Variants in LARS1 observed in about 807,000 individuals in gnomAD.
LARS1 encodes the protein leucyl-tRNA synthetase 1, also known as leucine--tRNA ligase, cytoplasmic.
Under a neutral mutation model 162.8 loss-of-function variants are expected in LARS1, and 100 were observed. The observed-to-expected ratio is 0.61, with a 90% confidence interval of 0.52 to 0.73. LARS1 has a LOEUF of 0.73. Among genes scored for constraint, LARS1 ranks in the 30% least tolerant of loss-of-function variants. The probability of loss-of-function intolerance (pLI) is 0.00; values close to 1 mark genes in which losing one functional copy is unlikely to be tolerated. For missense variants in LARS1, 1,258 were observed against 1,408.9 expected (o/e 0.89, Z 1.71); for synonymous variants, 457 against 462.8 (o/e 0.99, Z 0.16).
Position 146,127,863 on chromosome 5 carries a change from A to G in LARS1, c.2880+809T>C, listed in dbSNP as rs577985590. Among the ~76,000 whole-genome samples the G allele has an allele frequency of 2.0e-5, 3 of 152,240 alleles. No homozygotes were observed. In the East Asian group the frequency reaches 5.8e-4, roughly 29 times the overall value. ...TTTTCTTAGCATTTCTTAATTAACT[A>G]TGAAAAGTGTTGAGGCAAAATTCCA... On this transcript the variant is annotated intron_variant, in intron 27 of 31. Transcript: ENST00000394434.
rs996348758 is a variant in LARS1 at position 146,144,290 on chromosome 5, G to A, written c.1715C>T (p.Ala572Val). ...EATLGWLQEH[A>V]CSRTYGLGTH... ...ACCTAGACCATAAGTTCTTGAGCAA[G>A]CATGTTCTTGTAGCCAACCTAAGGT... Residue 572 changes from alanine to valine, a missense_variant, in exon 18 of 32, where the codon GCT becomes GTT. Ala to Val is a moderately conservative substitution (Grantham distance 64, BLOSUM62 0). Coordinates refer to ENST00000394434, the MANE Select transcript of LARS1 (RefSeq NM_020117.11). 13 of 1,612,432 alleles carry A rather than the reference G, an allele frequency of 8.1e-6. No individual in the cohort carries two copies. Among genetic ancestry groups the A allele is most frequent in the African/African-American group, 1.3e-5 (1 of 74,790 alleles).
chr5:146,178,598 G>A (rs767333833), intron 1 of LARS1, among the ~76,000 whole-genome samples: 5 of 149,054 alleles, frequency 3.4e-5, no homozygotes, highest in Non-Finnish European at 7.4e-5. Flanking sequence ...TGGGCAACAA[G>A]AGCGAAACTC....
In LARS1 at chr5:146,140,210, A is replaced by G; in HGVS notation, c.2142T>C (p.Ser714=). Residue 714 remains serine (S), a synonymous_variant, in exon 21 of 32, where the codon TCT becomes TCC. Coordinates refer to ENST00000394434, the MANE Select transcript of LARS1 (RefSeq NM_020117.11). Reference sequence around the variant, plus strand: ...AAGATGCAATAAGCCTTACCTTCTCAGAGTTCAGGAGGAGATGTCCATTTG... The same window carrying G: ...AAGATGCAATAAGCCTTACCTTCTCGGAGTTCAGGAGGAGATGTCCATTTG... ...VRANGHLLLN[S]EKMSKSTGNF... 1 of 1,611,114 alleles carries G rather than the reference A, an allele frequency of 6.2e-7. No individual in the cohort carries two copies. Among genetic ancestry groups the G allele is most frequent in the Non-Finnish European group, 8.5e-7 (1 of 1,177,190 alleles).
rs138303507 is a variant in LARS1, at chr5:146,173,332, G to A, written c.126-558C>T. Among the ~76,000 whole-genome samples, 858 of 150,104 alleles carry A rather than the reference G, an allele frequency of 5.7e-3. 14 individuals are homozygous for A. Among genetic ancestry groups the A allele is most frequent in the African/African-American group, 0.02 (818 of 40,870 alleles). Reference sequence around the variant, plus strand: ...CATGCCACTGCACTCCAGCCTGGGCGAAAATGAGACTCCATCTCAAAAAAA... The same window carrying A: ...CATGCCACTGCACTCCAGCCTGGGCAAAAATGAGACTCCATCTCAAAAAAA... On this transcript the variant is annotated intron_variant, in intron 2 of 31. Coordinates refer to ENST00000394434, the MANE Select transcript of LARS1 (RefSeq NM_020117.11).
intron 15 of LARS1, among the ~76,000 whole-genome samples, chr5:146,147,490 T>TA (rs1387773743): frequency 6.6e-6 from 1 of 152,136 alleles, no homozygotes; most frequent in East Asian, 1.9e-4. Flanking sequence ...TGATAGGTAT[T>TA]ACAGGAATTT....
chr5:146,128,091 C>G (rs35825928), intron 27 of LARS1, among the ~76,000 whole-genome samples: 33,845 of 151,998 alleles, frequency 0.22, 4,826 homozygotes, highest in Admixed American at 0.34. Context: ...AGGAAAAATA[C>G]ATTTTTTTCT....
At chr5:146,128,318 A>G (rs551429433) in intron 27 of LARS1, among the ~76,000 whole-genome samples, 1 of 152,300 alleles carries the variant, frequency 6.6e-6, no homozygotes, top group Admixed American at 6.5e-5. Context: ...GAATGAATAA[A>G]TTTAATGAAT....
chr5:146,156,217 G>A (rs188932183), intron 10 of LARS1, among the ~76,000 whole-genome samples: 73 of 152,216 alleles, frequency 4.8e-4, no homozygotes, highest in African/African-American at 1.7e-3. Context: ...ATCTTTTTGC[G>A]TTTTTTGAAT....
intron 21 of LARS1, 92 bp from the exon 22 acceptor site, chr5:146,135,756 G>T: frequency 1.2e-6 from 1 of 816,460 alleles, no homozygotes; most frequent in Non-Finnish European, 1.9e-6. Context: ...GCCATGACCA[G>T]ATAAAAACAA....
intron 6 of LARS1, among the ~76,000 whole-genome samples, chr5:146,163,861 A>C (rs1313146966): frequency 2.6e-5 from 4 of 152,156 alleles, no homozygotes; most frequent in Non-Finnish European, 5.9e-5. Flanking sequence ...TCCCTTTCAC[A>C]TGAACACTTA....
At chr5:146,152,109 A>C in intron 13 of LARS1, 107 bp from the exon 14 acceptor site, 1 of 1,173,992 alleles carries the variant, frequency 8.5e-7, no homozygotes, top group Middle Eastern at 2.0e-4. Flanking sequence ...TTCAGATTGT[A>C]TATGTCATTA....
At chr5:146,131,456 T>C (rs942595635) in intron 23 of LARS1, 1 of 143,866 alleles carries the variant, frequency 7.0e-6, no homozygotes, top group Non-Finnish European at 1.5e-5. Flanking sequence ...AAATGCAACA[T>C]GAAAATAGCC....
intron 23 of LARS1, 182 bp downstream of exon 23, chr5:146,132,716 G>A (rs1210818128): frequency 6.5e-6 from 3 of 464,066 alleles, no homozygotes; most frequent in Non-Finnish European, 1.1e-5. Context: ...GTTAAAGTCA[G>A]ATAATGGACA....
At chr5:146,138,943 A>T in intron 21 of LARS1, 1 of 361,722 alleles carries the variant, frequency 2.8e-6, no homozygotes, top group East Asian at 7.7e-5. Flanking sequence ...CAAATTCCTA[A>T]ACAATCTTCC....
chr5:146,125,041 TAC>T (rs903109100), intron 28 of LARS1, among the ~76,000 whole-genome samples: 19 of 151,600 alleles, frequency 1.3e-4, no homozygotes, highest in African/African-American at 4.6e-4. Context: ...TATATATATA[TAC>T]ATATACACAT....
At chr5:146,128,625 G>A (rs1752140609) in intron 27 of LARS1, 47 bp downstream of exon 27, 4 of 1,243,138 alleles carry the variant, frequency 3.2e-6, no homozygotes, top group Non-Finnish European at 3.3e-6. Context: ...AACAACATAG[G>A]GAGCATACAA....
At position 146,126,464 on chromosome 5, in the gene LARS1, T is replaced by C. The variant is rs1752048659; in HGVS notation, c.2962A>G (p.Lys988Glu). 4 of 1,611,770 alleles carry C rather than the reference T, an allele frequency of 2.5e-6. No individual in the cohort carries two copies. The highest frequency in any genetic ancestry group is 3.4e-6 in the Non-Finnish European group (4 of 1,178,266). The change falls in exon 28 of 32, where the codon AAA becomes GAA. Residue 988 changes from lysine to glutamate, a missense_variant. Lys to Glu is a moderately conservative substitution (Grantham distance 56). Coordinates refer to ENST00000394434, the MANE Select transcript of LARS1 (RefSeq NM_020117.11). Reference sequence around the variant, plus strand: ...ATCATGGCAACAAATGGCATGACTTTCTTCATGTATTTCTTCAGTTCTGGC... The same window carrying C: ...ATCATGGCAACAAATGGCATGACTTCCTTCATGTATTTCTTCAGTTCTGGC... ...SMPELKKYMKKVMPFVAMIKE... is the reference protein window; with the variant it reads ...SMPELKKYMKEVMPFVAMIKE...
At chr5:146,176,496 A>T (rs1754586718) in intron 2 of LARS1, among the ~76,000 whole-genome samples, 1 of 151,654 alleles carries the variant, frequency 6.6e-6, no homozygotes, top group Non-Finnish European at 1.5e-5. Context: ...ATTAAATGAG[A>T]GTATACATGT....
rs773236021 is a variant in LARS1 at position 146,143,048 on chromosome 5, A to T, written c.1914T>A (p.Val638=). The T allele has an allele frequency of 6.2e-7, 1 of 1,613,874 alleles. No individual in the cohort carries two copies. The highest frequency in any genetic ancestry group is 8.5e-7 in the Non-Finnish European group (1 of 1,179,884). The part of the protein sequence containing the change: ...QQMTKEVWDY[V]FFKEAPFPKT... ...TAGGAAATGGAGCCTCCTTGAAGAA[A>T]ACATAATCCCAAACTTCCTTGGTCA... Residue 638 remains valine, a synonymous_variant, in exon 20 of 32, where the codon GTT becomes GTA. Coordinates refer to ENST00000394434, the MANE Select transcript of LARS1 (RefSeq NM_020117.11).
Sources: allele counts gnomAD v4.1 joint callset (sites outside exome capture counted in the v4.1 genomes callset), GRCh38; gene constraint gnomAD v4.1.1; transcripts MANE v1.5; gene names NCBI Gene and HGNC (gene_info 2026-07-23, HGNC 2026-07-21).